HECTD4: variants seen among roughly 807,000 people sequenced by gnomAD.
HECTD4 encodes probable E3 ubiquitin-protein ligase HECTD4.
A neutral mutation model predicts 471.5 loss-of-function variants in HECTD4; 114 were observed. The ratio of observed to expected loss-of-function variants is 0.24; its 90% CI spans 0.21 to 0.28. The LOEUF is 0.28. HECTD4 is among the 10% of genes least tolerant of loss of function. HECTD4 has a pLI of 1.00. For missense variants in HECTD4, 3,866 were observed against 5,651.5 expected, an observed-to-expected ratio of 0.68 and a Z score of 10.13; for synonymous variants, 2,012 against 2,256.0, an observed-to-expected ratio of 0.89 and a Z score of 3.07.
chr12:112,360,513 TA>T (rs2135747666), intron 1 of HECTD4, among the ~76,000 whole-genome samples: 1 of 152,264 alleles, frequency 6.6e-6, no homozygotes, highest in South Asian at 2.1e-4. Flanking sequence ...CTTATATCTC[TA>T]ACAAAGTGAA....
At chr12:112,183,990 C>T (rs1457074606) in intron 61 of HECTD4, among the ~76,000 whole-genome samples, 197 bp downstream of exon 61, 1 of 152,246 alleles carries the variant, frequency 6.6e-6, no homozygotes, top group African/African-American at 2.4e-5. Context: ...CTCCCCTTTA[C>T]TTCGTGATAT....
In HECTD4 at chr12:112,240,034, A is replaced by C; in HGVS notation, c.4959-7T>G. ...ACATGTGAGTTCTTCAATTCTGTGA[A>C]AGAGAAACCAAAGCTCAGGCTTCCT... On this transcript the variant is annotated splice_region_variant and splice_polypyrimidine_tract_variant and intron_variant, in intron 32 of 75. Coordinates refer to ENST00000682272, the MANE Select transcript of HECTD4 (RefSeq NM_001388303.1). 1 of 1,613,334 alleles carries C rather than the reference A, an allele frequency of 6.2e-7. No homozygotes were observed. The highest frequency in any genetic ancestry group is 8.5e-7 in the Non-Finnish European group (1 of 1,179,472).
chr12:112,264,266 C>T, intron 16 of HECTD4, 54 bp from the exon 17 acceptor site: 2 of 1,363,690 alleles, frequency 1.5e-6, no homozygotes, highest in Admixed American at 6.0e-5. Flanking sequence ...AAAGAGCGAT[C>T]ATGTAATCCT....
chr12:112,230,553 G>C, intron 40 of HECTD4, 134 bp downstream of exon 40: 1 of 1,071,760 alleles, frequency 9.3e-7, no homozygotes, highest in Non-Finnish European at 1.3e-6. Context: ...GCAACTTCCA[G>C]GGGAAAGTCA....
chr12:112,185,226 T>C lies in HECTD4; in HGVS notation c.9740A>G (p.Gln3247Arg). Reference sequence around the variant, plus strand: ...ATGAAAATACGTAGAGAACCTGCCCTGGTCACCGGCCGCCGCCCCCCCGGA... The same window carrying C: ...ATGAAAATACGTAGAGAACCTGCCCCGGTCACCGGCCGCCGCCCCCCCGGA... ...GGSGGAAAGD[Q>R]GRFSTYFHAL... The change falls in exon 61 of 76, where the codon CAG (glutamine) becomes CGG (arginine). Residue 3247 changes from glutamine (Q) to arginine (R), a missense_variant. Physicochemically the swap from Gln to Arg is conservative, Grantham distance 43 (BLOSUM62 1). Around this residue, in one of 16 missense-constraint regions of HECTD4, gnomAD observed 364 missense variants for 413.2 expected, o/e 0.88. Transcript: ENST00000682272. 3 of 1,550,916 alleles carry C rather than the reference T, an allele frequency of 1.9e-6. No individual in the cohort carries two copies. The highest frequency in any genetic ancestry group is 2.6e-6 in the Non-Finnish European group (3 of 1,146,812).
Position 112,194,912 on chromosome 12 carries a change from T to C in HECTD4, c.8722A>G (p.Asn2908Asp), listed in dbSNP as rs938647067. Residue 2908 changes from asparagine (N) to aspartate (D), a missense_variant, in exon 56 of 76, where the codon AAT becomes GAT. Coordinates refer to ENST00000682272, the MANE Select transcript of HECTD4 (RefSeq NM_001388303.1). The surrounding 1 kb of genome is among the most constrained non-coding windows in gnomAD (Gnocchi z 4.6). ...GGGAGAGGAGGTGCGAGGAGCTGATTGGACAGCAGTTGCAGGTGCTCCAGG... is the reference window on the plus strand; with the variant it reads ...GGGAGAGGAGGTGCGAGGAGCTGATCGGACAGCAGTTGCAGGTGCTCCAGG... Reference protein sequence around the residue: ...ITLEHLQLLSNQLLAPPLPDG... With the variant: ...ITLEHLQLLSDQLLAPPLPDG... 1 of 1,608,572 alleles carries C rather than the reference T, an allele frequency of 6.2e-7. No homozygotes were observed. The highest frequency in any genetic ancestry group is 1.1e-5 in the South Asian group (1 of 89,690).
chr12:112,380,098 A>G (rs1448652217), intron 1 of HECTD4, among the ~76,000 whole-genome samples: 1 of 152,204 alleles, frequency 6.6e-6, no homozygotes, highest in Non-Finnish European at 1.5e-5. Flanking sequence ...AACTACATAA[A>G]TGACATATAT....
At chr12:112,242,610 C>CT (rs1287142402) in intron 32 of HECTD4, among the ~76,000 whole-genome samples, 2 of 134,568 alleles carry the variant, frequency 1.5e-5, no homozygotes, top group Admixed American at 7.4e-5. Flanking sequence ...CGAGAATCTG[C>CT]TTAAAAAAAA....
chr12:112,223,316 G>A (rs960707419), intron 44 of HECTD4, among the ~76,000 whole-genome samples: 3 of 152,302 alleles, frequency 2.0e-5, no homozygotes. Context: ...ATAATGTTGA[G>A]AACTTTTTTG....
At chr12:112,301,177 C>T (rs561238845) in intron 7 of HECTD4, among the ~76,000 whole-genome samples, 7 of 150,424 alleles carry the variant, frequency 4.7e-5, no homozygotes, top group Non-Finnish European at 8.9e-5. Flanking sequence ...TGAGCCACCA[C>T]GCCCGGTCGT....
chr12:112,349,488 G>A (rs1297495153), intron 1 of HECTD4, among the ~76,000 whole-genome samples: 1 of 147,790 alleles, frequency 6.8e-6, no homozygotes, highest in Non-Finnish European at 1.5e-5. Context: ...TAAAAATTTT[G>A]TTGCATGTTA....
Position 112,243,345 on chromosome 12 carries a change from CAACTA to C in HECTD4, c.4958+3_4958+7del. 6.2e-7 allele frequency: 1 copy of C among 1,609,070 alleles called. No individual in the cohort carries two copies. Among genetic ancestry groups the C allele is most frequent in the African/African-American group, 1.3e-5 (1 of 74,940 alleles). On this transcript the variant is annotated splice_donor_5th_base_variant and intron_variant, in intron 32 of 75. Coordinates refer to ENST00000682272, the MANE Select transcript of HECTD4 (RefSeq NM_001388303.1). This position sits in a 1 kb window ranked among gnomAD's most constrained non-coding sequence, Gnocchi z 6.6. ...AAAGGACAGTATAAACTAACAGAAA[CAACTA>C]ACCTGGGTCCTCCCTGAAGGACCAT...
In HECTD4 at chr12:112,184,949, G is replaced by T. The variant is rs777310665; in HGVS notation, c.10017C>A (p.Thr3339=). Residue 3339 remains threonine (T), a synonymous_variant, in exon 61 of 76, where the codon ACC becomes ACA. Transcript: ENST00000682272. The surrounding 1 kb of genome is among the most constrained non-coding windows in gnomAD (Gnocchi z 9.1). ...QSSRTVDSDP[T]VLSIGGSKPE... is the part of the protein sequence containing the mutation. Reference sequence around the variant, plus strand: ...GCTTGCTGCCTCCGATGCTGAGCACGGTGGGGTCCGAGTCCACGGTGCGGG... The same window carrying T: ...GCTTGCTGCCTCCGATGCTGAGCACTGTGGGGTCCGAGTCCACGGTGCGGG... 1.9e-6 allele frequency: 3 copies of T among 1,613,768 alleles called. No homozygotes were observed. In the East Asian group the frequency reaches 6.7e-5, roughly 36 times the overall value.
At chr12:112,379,715 T>A (rs976272194) in intron 1 of HECTD4, among the ~76,000 whole-genome samples, 7 of 135,790 alleles carry the variant, frequency 5.2e-5, no homozygotes, top group Non-Finnish European at 7.9e-5. Flanking sequence ...TAAAAAGATT[T>A]TTTATATATA....
chr12:112,288,464 AT>A (rs1162384996), intron 7 of HECTD4, among the ~76,000 whole-genome samples: 1 of 152,144 alleles, frequency 6.6e-6, no homozygotes, highest in Non-Finnish European at 1.5e-5. Flanking sequence ...TATAAAAAAA[AT>A]ATAAAAATTA....
chr12:112,168,019 G>A (rs1020889810), intron 70 of HECTD4, 102 bp from the exon 71 acceptor site: 27 of 927,270 alleles, frequency 2.9e-5, no homozygotes, highest in Non-Finnish European at 4.0e-5. Flanking sequence ...CTCCTTCCAC[G>A]GCCTACCTGC....
At chr12:112,331,389 C>G (rs755534446) in intron 1 of HECTD4, among the ~76,000 whole-genome samples, 1 of 152,080 alleles carries the variant, frequency 6.6e-6, no homozygotes, top group Non-Finnish European at 1.5e-5. Flanking sequence ...GTTTTTAAAG[C>G]CCACAGGTGA....
At chr12:112,200,886 T>TGCGTGC (rs879242824) in intron 54 of HECTD4, 88 bp from the exon 55 acceptor site, 24 of 68,294 alleles carry the variant, frequency 3.5e-4, no homozygotes, top group South Asian at 3.2e-4. Context: ...CGTGCGTGCG[T>TGCGTGC]GTGTGTGTGT....
At chr12:112,380,227 T>TTGAGG (rs1377004934) in intron 1 of HECTD4, among the ~76,000 whole-genome samples, 1 of 152,054 alleles carries the variant, frequency 6.6e-6, no homozygotes, top group Non-Finnish European at 1.5e-5. Flanking sequence ...GGCAGATCAC[T>TTGAGG]TGAGGTCAGG....
Sources: allele counts gnomAD v4.1 joint callset (sites outside exome capture counted in the v4.1 genomes callset), GRCh38; gene constraint gnomAD v4.1.1; regional missense constraint gnomAD v4.1.1; non-coding constraint Gnocchi (gnomAD v3.1); transcripts MANE v1.5; gene names NCBI Gene and HGNC (gene_info 2026-07-23, HGNC 2026-07-21).